AKAP13: variants seen among roughly 807,000 people sequenced by gnomAD.
AKAP13 encodes the protein A-kinase anchor protein 13.
In AKAP13, 80 loss-of-function variants were observed where a neutral mutation model predicts 264.5. The observed-to-expected ratio is 0.30, with a 90% CI of 0.25 to 0.36. The LOEUF (loss-of-function observed/expected upper bound fraction) is 0.36. Ranked by LOEUF, AKAP13 falls within the 10% of genes least tolerant of loss-of-function variation. The probability of loss-of-function intolerance (pLI) is 1.00; values close to 1 mark genes in which losing one functional copy is unlikely to be tolerated. For synonymous variants in AKAP13, 1,380 were observed against 1,250.2 expected (o/e 1.10, Z -2.19); for missense variants, 3,712 against 3,435.2 (o/e 1.08, Z -2.01).
rs1033698709 is a variant in AKAP13, at chr15:85,748,315, G to A, written c.*3638G>A. 3.3e-5 allele frequency: 5 copies of A among 152,242 alleles called. No individual in the cohort carries two copies. The highest frequency in any genetic ancestry group is 5.9e-5 in the Non-Finnish European group (4 of 68,074). 9.4% of individuals were successfully genotyped at this position (152,242 alleles called of 1,614,324 possible). A position where few individuals can be genotyped will look rare whatever the true frequency, so the allele number is the denominator to read the frequency against. ...GAGGTGACCCCAGACACTGCAGAAC[G>A]ATGTGCACCCTCTGCGTTTTGGATG... On this transcript the variant is annotated 3_prime_UTR_variant, in exon 37 of 37. Transcript: ENST00000394518.
chr15:85,655,449 C>T lies in AKAP13; in HGVS notation c.4407C>T (p.Thr1469=), dbSNP rs559373030. 1.9e-5 allele frequency: 31 copies of T among 1,614,056 alleles called. No individual in the cohort carries two copies. The highest frequency in any genetic ancestry group is 5.5e-5 in the South Asian group (5 of 91,058). The change falls in exon 11 of 37, where the codon ACC becomes ACT. Residue 1469 remains threonine (T), a synonymous_variant. Transcript: ENST00000394518. ...PEEEHLACDI[T]GSSSSTDDTA... is the part of the protein sequence containing the mutation. Reference sequence around the variant, plus strand: ...AAGAGCATTTGGCCTGTGATATCACCGGATCCAGTTCATCCACCGATGACA... The same window carrying T: ...AAGAGCATTTGGCCTGTGATATCACTGGATCCAGTTCATCCACCGATGACA...
intron 1 of AKAP13, among the ~76,000 whole-genome samples, chr15:85,382,989 G>C (rs2070369401): frequency 6.6e-6 from 1 of 152,038 alleles, no homozygotes; most frequent in Non-Finnish European, 1.5e-5. Context: ...AAAAGAAGTG[G>C]GTTTAACTAG....
intron 8 of AKAP13, among the ~76,000 whole-genome samples, chr15:85,625,679 T>G (rs1426869029): frequency 6.6e-6 from 1 of 152,142 alleles, no homozygotes; most frequent in Non-Finnish European, 1.5e-5. Context: ...CTGAGCATCC[T>G]AGCAAGACCC....
At chr15:85,731,377 G>A (rs1270636865) in intron 30 of AKAP13, among the ~76,000 whole-genome samples, 1 of 152,010 alleles carries the variant, frequency 6.6e-6, no homozygotes, top group African/African-American at 2.4e-5. Flanking sequence ...ATTTGCTTAT[G>A]TTTTTTGATA....
intron 5 of AKAP13, among the ~76,000 whole-genome samples, chr15:85,560,862 C>G (rs2078346289): frequency 6.6e-6 from 1 of 152,104 alleles, no homozygotes; most frequent in African/African-American, 2.4e-5. Flanking sequence ...ATATTCATTG[C>G]AATGTGGCCA....
chr15:85,590,787 G>A (rs1215305335), intron 8 of AKAP13, among the ~76,000 whole-genome samples: 1 of 152,086 alleles, frequency 6.6e-6, no homozygotes, highest in Non-Finnish European at 1.5e-5. Context: ...ATGCTTTACT[G>A]GTTTGAAGGT....
At chr15:85,384,394 G>A (rs1298778122) in intron 1 of AKAP13, among the ~76,000 whole-genome samples, 1 of 152,170 alleles carries the variant, frequency 6.6e-6, no homozygotes, top group East Asian at 1.9e-4. Context: ...TGTAAATGGG[G>A]AGAGACGAGA....
At chr15:85,484,515 T>G (rs931734899) in intron 1 of AKAP13, among the ~76,000 whole-genome samples, 1 of 152,180 alleles carries the variant, frequency 6.6e-6, no homozygotes, top group African/African-American at 2.4e-5. Context: ...TGCTTGTCAG[T>G]TTTCTACTGC....
At chr15:85,711,919 A>G (rs2086652142) in intron 19 of AKAP13, among the ~76,000 whole-genome samples, 1 of 152,024 alleles carries the variant, frequency 6.6e-6, no homozygotes, top group Non-Finnish European at 1.5e-5. Context: ...TGTAACCTCA[A>G]ACTCCTGGGC....
At chr15:85,511,174 T>G (rs2076404813) in intron 2 of AKAP13, among the ~76,000 whole-genome samples, 1 of 152,246 alleles carries the variant, frequency 6.6e-6, no homozygotes, top group Admixed American at 6.5e-5. Context: ...TCCTTGCCTC[T>G]TTTGGCTTTG....
At position 85,509,779 on chromosome 15, in the gene AKAP13, G is replaced by A. The variant is rs77121934; in HGVS notation, c.34-11649G>A. Among the ~76,000 whole-genome samples, 299 of 152,188 alleles carry A rather than the reference G, an allele frequency of 2.0e-3. 1 individual carries two copies. Among genetic ancestry groups the A allele is most frequent in the Middle Eastern group, 6.8e-3 (2 of 294 alleles). On this transcript the variant is annotated intron_variant, in intron 2 of 36. Transcript: ENST00000394518. The stretch of plus-strand genomic sequence containing the variant: ...AAATACAAGGTTTGTGTTTCTTTGG[G>A]GTTTGCTAGTGTTACATGACATTTT...
intron 1 of AKAP13, among the ~76,000 whole-genome samples, chr15:85,453,242 G>A (rs547288520): frequency 6.6e-6 from 1 of 152,364 alleles, no homozygotes; most frequent in Admixed American, 6.5e-5. Context: ...TAGAGGCTCT[G>A]TCCAGGGAGT....
chr15:85,486,739 C>CTTTTTTT (rs562767898), intron 2 of AKAP13, among the ~76,000 whole-genome samples: 41 of 115,620 alleles, frequency 3.5e-4, no homozygotes, highest in Non-Finnish European at 4.4e-4. Context: ...TTGTTCAGTT[C>CTTTTTTT]TTTTTTTTTT....
chr15:85,396,021 TACACAC>T (rs57665297), intron 1 of AKAP13, among the ~76,000 whole-genome samples: 12 of 150,448 alleles, frequency 8.0e-5, no homozygotes, highest in Non-Finnish European at 1.2e-4. Flanking sequence ...TATACATACA[TACACAC>T]ACACACACAC....
Position 85,733,873 on chromosome 15 carries a change from C to CTTTTTTTTTT in AKAP13, c.7283-1107_7283-1098dup, listed in dbSNP as rs72092500. Among the ~76,000 whole-genome samples the CTTTTTTTTTT allele has an allele frequency of 2.9e-3, 241 of 82,572 alleles. 1 individual carries two copies. The highest frequency in any genetic ancestry group is 0.012 in the Middle Eastern group (1 of 82). 54.2% of individuals were successfully genotyped at this position (82,572 alleles called of 152,430 possible). A position where few individuals can be genotyped will look rare whatever the true frequency, so the allele number is the denominator to read the frequency against. On this transcript the variant is annotated intron_variant, in intron 30 of 36. Transcript: ENST00000394518. ...TTTGTCATTTTCTTTTCTTTCTTTT[C>CTTTTTTTTTT]TTTTTTTTTTTTTTTTTTTTTGAGA...
At chr15:85,561,369 G>C (rs1286643245) in intron 5 of AKAP13, among the ~76,000 whole-genome samples, 1 of 152,082 alleles carries the variant, frequency 6.6e-6, no homozygotes, top group Non-Finnish European at 1.5e-5. Context: ...CTGGACATAA[G>C]GATTTTTAAA....
At chr15:85,467,172 T>A (rs1290842774) in intron 1 of AKAP13, among the ~76,000 whole-genome samples, 1 of 152,216 alleles carries the variant, frequency 6.6e-6, no homozygotes, top group African/African-American at 2.4e-5. Flanking sequence ...CTGTTGATTA[T>A]TCATTTGTGA....
intron 2 of AKAP13, among the ~76,000 whole-genome samples, chr15:85,496,312 C>T (rs1376728983): frequency 6.6e-6 from 1 of 152,086 alleles, no homozygotes; most frequent in Non-Finnish European, 1.5e-5. Flanking sequence ...CATTGGGTTC[C>T]TGTTTACTCC....
intron 5 of AKAP13, among the ~76,000 whole-genome samples, chr15:85,544,991 G>T (rs1254776230): frequency 2.0e-5 from 3 of 152,224 alleles, no homozygotes; most frequent in African/African-American, 4.8e-5. Context: ...TATGTAAACA[G>T]CTTTTTCTTG....
Sources: gnomAD v4.1 joint callset for allele counts (sites outside exome capture counted in the v4.1 genomes callset) on GRCh38, gnomAD v4.1.1 for gene constraint, MANE v1.5 for transcripts, NCBI Gene and HGNC (gene_info 2026-07-23, HGNC 2026-07-21) for gene names.